Variants in OTOGL observed in about 807,000 individuals in gnomAD.
OTOGL encodes the protein otogelin like.
In OTOGL, 285 loss-of-function variants were observed where a neutral mutation model predicts 318.5. The observed-to-expected ratio is 0.89, with a 90% CI of 0.81 to 0.99. The LOEUF (loss-of-function observed/expected upper bound fraction) is 0.99, where lower values mean the gene tolerates loss of function less well. Among genes scored for constraint, OTOGL ranks in the 50% least tolerant of loss-of-function variants. OTOGL has a pLI of 0.00. For synonymous variants in OTOGL, 987 were observed against 936.5 expected, an observed-to-expected ratio of 1.05 and a Z score of -0.99; for missense variants, 2,899 against 2,845.6, an observed-to-expected ratio of 1.02 and a Z score of -0.43.
Position 80,271,765 on chromosome 12 carries a change from G to A in OTOGL, c.2636G>A (p.Cys879Tyr). ...TCANLAMNFT[C>Y]TPSSPCISGC... ...GCAAACCTAGCCATGAACTTCACCT[G>A]CACCCCATCCTCACCCTGTATAAGT... The change falls in exon 24 of 59, where the codon TGC (cysteine) becomes TAC (tyrosine). Residue 879 changes from cysteine (C) to tyrosine (Y), a missense_variant. By Grantham distance (194) the Cys-to-Tyr change is radical (BLOSUM62 -2). Coordinates refer to ENST00000547103, the MANE Select transcript of OTOGL (RefSeq NM_001378609.3). 1 of 1,613,088 alleles carries A rather than the reference G, an allele frequency of 6.2e-7. No homozygotes were observed. The highest frequency in any genetic ancestry group is 8.5e-7 in the Non-Finnish European group (1 of 1,179,404).
intron 1 of OTOGL, among the ~76,000 whole-genome samples, chr12:80,195,975 C>G (rs965675238): frequency 6.6e-6 from 1 of 152,198 alleles, no homozygotes; most frequent in East Asian, 1.9e-4. Flanking sequence ...AATACATTCT[C>G]ATGCCTGTTC....
In OTOGL at chr12:80,302,644, G is replaced by T. The variant is rs998322212; in HGVS notation, c.3074G>T (p.Gly1025Val). 2 of 1,367,836 alleles carry T rather than the reference G, an allele frequency of 1.5e-6. No individual in the cohort carries two copies. The highest frequency in any genetic ancestry group is 1.9e-6 in the Non-Finnish European group (2 of 1,056,814). 84.7% of individuals were successfully genotyped at this position (1,367,836 alleles called of 1,614,324 possible). A position where few individuals can be genotyped will look rare whatever the true frequency, so the allele number is the denominator to read the frequency against. ...TTTTTTGTTTTTAAGAAACAATCAG[G>T]TTTTTTTCTGGAAAACAAATCTACC... Reference protein sequence around the residue: ...NDTPYKQKQSGFFLENKSTYQ... With the variant: ...NDTPYKQKQSVFFLENKSTYQ... Residue 1025 changes from glycine to valine, a missense_variant, in exon 28 of 59, where the codon GGT becomes GTT. Physicochemically the swap from Gly to Val is moderately radical, Grantham distance 109. Around this residue, in one of 3 missense-constraint regions of OTOGL, gnomAD observed 2,607 missense variants for 2,524.9 expected, o/e 1.03. Transcript: ENST00000547103.
chr12:80,353,682 T>C (rs1349880300), intron 46 of OTOGL, among the ~76,000 whole-genome samples, 172 bp downstream of exon 46: 1 of 152,228 alleles, frequency 6.6e-6, no homozygotes, highest in African/African-American at 2.4e-5. Context: ...AAGTTAATTG[T>C]TACAAAAGCT....
In OTOGL at chr12:80,222,254, T is replaced by C. The variant is rs772276768; in HGVS notation, c.489+9T>C. 4 of 1,566,340 alleles carry C rather than the reference T, an allele frequency of 2.6e-6. No individual in the cohort carries two copies. Among genetic ancestry groups the C allele is most frequent in the Admixed American group, 1.8e-5 (1 of 54,254 alleles). On this transcript the variant is annotated intron_variant, in intron 7 of 58. Transcript: ENST00000547103. ...CTCGGTACACTGTATGGGTAGGTGATTGTAGGACATGATTAACTTAAAAAT... is the reference window on the plus strand; with the variant it reads ...CTCGGTACACTGTATGGGTAGGTGACTGTAGGACATGATTAACTTAAAAAT...
chr12:80,354,430 A>G (rs1889749077), intron 46 of OTOGL, among the ~76,000 whole-genome samples: 2 of 152,138 alleles, frequency 1.3e-5, no homozygotes. Context: ...AGCAACACAA[A>G]ATGGACTAAG....
At chr12:80,255,277 A>G (rs1263936878) in intron 16 of OTOGL, 92 bp downstream of exon 16, 2 of 1,192,676 alleles carry the variant, frequency 1.7e-6, no homozygotes, top group Non-Finnish European at 2.2e-6. Flanking sequence ...ATGAGTGGAT[A>G]TAGCTATTTT....
intron 38 of OTOGL, among the ~76,000 whole-genome samples, chr12:80,334,309 T>A (rs1177656183): frequency 6.6e-6 from 1 of 152,188 alleles, no homozygotes; most frequent in African/African-American, 2.4e-5. Context: ...AAAGGGCTGG[T>A]GTCAACCAGG....
At chr12:80,118,962 T>G (rs1364810485) in intron 1 of OTOGL, among the ~76,000 whole-genome samples, 1 of 152,108 alleles carries the variant, frequency 6.6e-6, no homozygotes, top group East Asian at 1.9e-4. Flanking sequence ...AAATAGGATT[T>G]TATTTATCGA....
intron 1 of OTOGL, among the ~76,000 whole-genome samples, chr12:80,149,881 C>T (rs1171422885): frequency 6.6e-6 from 1 of 152,156 alleles, no homozygotes; most frequent in African/African-American, 2.4e-5. Context: ...TTGCACTTCC[C>T]GAGTGAGGCA....
At chr12:80,239,614 TTTA>T (rs1331474315) in intron 11 of OTOGL, among the ~76,000 whole-genome samples, 175 bp downstream of exon 11, 1 of 152,180 alleles carries the variant, frequency 6.6e-6, no homozygotes, top group Non-Finnish European at 1.5e-5. Flanking sequence ...TCTAATTTTT[TTTA>T]TTGATACATA....
chr12:80,163,569 G>A (rs73148399), intron 1 of OTOGL, among the ~76,000 whole-genome samples: 10,555 of 152,056 alleles, frequency 0.069, 424 homozygotes, highest in East Asian at 0.19. Flanking sequence ...TTTTATACAG[G>A]CATTATTTAG....
intron 57 of OTOGL, among the ~76,000 whole-genome samples, chr12:80,374,360 A>G (rs1891064603): frequency 6.6e-6 from 1 of 152,200 alleles, no homozygotes; most frequent in Non-Finnish European, 1.5e-5. Flanking sequence ...TGTCCAAATA[A>G]GATCACATTC....
At chr12:80,148,933 A>C (rs955118957) in intron 1 of OTOGL, among the ~76,000 whole-genome samples, 13 of 152,000 alleles carry the variant, frequency 8.6e-5, no homozygotes, top group South Asian at 2.1e-4. Flanking sequence ...CTCTGTATTG[A>C]TTATTCTAGT....
chr12:80,116,778 C>G (rs997027469), intron 1 of OTOGL, among the ~76,000 whole-genome samples: 1 of 152,174 alleles, frequency 6.6e-6, no homozygotes, highest in Admixed American at 6.5e-5. Flanking sequence ...ACTGATTACT[C>G]ACTCTTAATC....
rs1021351640 is a variant in OTOGL at position 80,141,046 on chromosome 12, A to G, written c.-20+41441A>G. ...GCTCCACAAGACTTATAAAGAAACA[A>G]TGATATTTCTGTAGCTCTTGCAGGT... On this transcript the variant is annotated intron_variant, in intron 1 of 58. Transcript: ENST00000547103. Among the ~76,000 whole-genome samples the G allele has an allele frequency of 6.6e-5, 10 of 152,200 alleles. 1 individual carries two copies. The highest frequency in any genetic ancestry group is 6.6e-4 in the Admixed American group (10 of 15,264).
At chr12:80,169,998 C>A (rs1462971611) in intron 1 of OTOGL, among the ~76,000 whole-genome samples, 1 of 152,110 alleles carries the variant, frequency 6.6e-6, no homozygotes, top group African/African-American at 2.4e-5. Context: ...TGAATATATC[C>A]TTTCATTTCT....
At chr12:80,119,519 C>A (rs997772204) in intron 1 of OTOGL, among the ~76,000 whole-genome samples, 2 of 152,198 alleles carry the variant, frequency 1.3e-5, no homozygotes, top group African/African-American at 2.4e-5. Context: ...TAGCAGCAGA[C>A]CGCAGGGTGC....
In OTOGL at chr12:80,329,065, C is replaced by A. The variant is rs953957038; in HGVS notation, c.4294C>A (p.Pro1432Thr). 3 of 1,572,982 alleles carry A rather than the reference C, an allele frequency of 1.9e-6. No homozygotes were observed. The highest frequency in any genetic ancestry group is 2.6e-6 in the Non-Finnish European group (3 of 1,166,946). The change falls in exon 37 of 59, where the codon CCC becomes ACC. Residue 1432 changes from proline (P) to threonine (T), a missense_variant. Physicochemically the swap from Pro to Thr is conservative, Grantham distance 38. This residue lies in a region of OTOGL where 2,607 missense variants were observed against 2,524.9 expected (regional missense o/e 1.03). Coordinates refer to ENST00000547103, the MANE Select transcript of OTOGL (RefSeq NM_001378609.3). Reference sequence around the variant, plus strand: ...TTTCTTTGTAGGTATACCTGTGATTCCCACAGAACCAACATTAATGCCACC... The same window carrying A: ...TTTCTTTGTAGGTATACCTGTGATTACCACAGAACCAACATTAATGCCACC... The part of the protein sequence containing the change: ...VYPRDCIPVI[P>T]TEPTLMPPAK...
rs1877079042 is a variant in OTOGL, at chr12:80,209,522, G to A, written c.79+12G>A. ...GTTTTCATTACAAGGTAAGAACTCA[G>A]ATTAAATTTTTATGTTAATTTATTG... On this transcript the variant is annotated intron_variant, in intron 2 of 58. Transcript: ENST00000547103. 7.0e-7 allele frequency: 1 copy of A among 1,423,264 alleles called. No homozygotes were observed. The highest frequency in any genetic ancestry group is 9.5e-7 in the Non-Finnish European group (1 of 1,054,048). The allele number at this position is 1,423,264 out of a possible 1,614,324, so 88.2% of individuals were successfully genotyped here. A position where few individuals can be genotyped will look rare whatever the true frequency, so the allele number is the denominator to read the frequency against.
Sources: gnomAD v4.1 joint callset for allele counts (sites outside exome capture counted in the v4.1 genomes callset) on GRCh38, gnomAD v4.1.1 for gene constraint, gnomAD v4.1.1 regional missense constraint, MANE v1.5 for transcripts, NCBI Gene and HGNC (gene_info 2026-07-23, HGNC 2026-07-21) for gene names.